Variants in CSNK1G1 observed in about 807,000 individuals in gnomAD.
CSNK1G1 encodes the protein casein kinase I isoform gamma-1.
Under a neutral mutation model 59.6 loss-of-function variants are expected in CSNK1G1, and 22 were observed. The ratio of observed to expected loss-of-function variants is 0.37; its 90% CI spans 0.26 to 0.53. The LOEUF is 0.53. Ranked by LOEUF, CSNK1G1 falls within the 20% of genes least tolerant of loss-of-function variation. The pLI, the probability that CSNK1G1 is intolerant of heterozygous loss-of-function variation, is 0.89. For synonymous variants in CSNK1G1, 179 were observed against 177.1 expected (o/e 1.01, Z -0.08); for missense variants, 384 against 519.5 (o/e 0.74, Z 2.54).
intron 10 of CSNK1G1, among the ~76,000 whole-genome samples, chr15:64,180,761 C>T (rs1038797963): frequency 6.6e-6 from 1 of 152,192 alleles, no homozygotes; most frequent in African/African-American, 2.4e-5. Context: ...GATGGAAACA[C>T]TAACAAATGA....
chr15:64,238,471 T>A (rs1177342291), intron 4 of CSNK1G1, among the ~76,000 whole-genome samples: 1 of 112,846 alleles, frequency 8.9e-6, no homozygotes, highest in African/African-American at 3.7e-5. Context: ...CCAGCCTGGG[T>A]GACAGAGCAA....
chr15:64,229,666 G>A (rs117867829), intron 4 of CSNK1G1, among the ~76,000 whole-genome samples: 5,981 of 152,174 alleles, frequency 0.039, 216 homozygotes, highest in Admixed American at 0.12. Flanking sequence ...GAAAAAAAGA[G>A]AGGCAAATGT....
At chr15:64,266,311 C>T (rs1457940956) in intron 2 of CSNK1G1, among the ~76,000 whole-genome samples, 2 of 151,942 alleles carry the variant, frequency 1.3e-5, no homozygotes, top group African/African-American at 4.8e-5. Context: ...CCACTGACCT[C>T]GTGATCCACC....
chr15:64,329,351 G>T (rs1897003301), intron 1 of CSNK1G1, among the ~76,000 whole-genome samples: 1 of 149,864 alleles, frequency 6.7e-6, no homozygotes, highest in Non-Finnish European at 1.5e-5. Context: ...AATCAAACTA[G>T]AACTCAGGAT....
At chr15:64,236,142 C>CAA (rs532663571) in intron 4 of CSNK1G1, among the ~76,000 whole-genome samples, 799 of 67,910 alleles carry the variant, frequency 0.012, 10 homozygotes, top group African/African-American at 0.03. Context: ...GACTCCATCT[C>CAA]AAAAAAAAAA....
chr15:64,198,231 G>T (rs989650154), intron 10 of CSNK1G1, among the ~76,000 whole-genome samples: 12 of 126,634 alleles, frequency 9.5e-5, no homozygotes, highest in African/African-American at 3.4e-4. Flanking sequence ...CAAAGTCTCT[G>T]CTGCCCCGGC....
intron 2 of CSNK1G1, among the ~76,000 whole-genome samples, chr15:64,278,428 A>ATTT (rs1379578512): frequency 8.8e-6 from 1 of 113,102 alleles, no homozygotes; most frequent in African/African-American, 4.1e-5. Context: ...GTATATATAT[A>ATTT]TATATTTTTT....
chr15:64,291,168 G>A (rs1894720670), intron 2 of CSNK1G1, among the ~76,000 whole-genome samples: 1 of 152,190 alleles, frequency 6.6e-6, no homozygotes, highest in African/African-American at 2.4e-5. Context: ...TTAATTAGGT[G>A]TTTGGCTGAT....
intron 4 of CSNK1G1, among the ~76,000 whole-genome samples, chr15:64,227,115 T>C (rs2082473322): frequency 6.6e-6 from 1 of 152,232 alleles, no homozygotes; most frequent in African/African-American, 2.4e-5. Flanking sequence ...ACTTGAGTTT[T>C]CCATTTGGAA....
At chr15:64,269,511 T>C (rs1893163915) in intron 2 of CSNK1G1, among the ~76,000 whole-genome samples, 1 of 141,420 alleles carries the variant, frequency 7.1e-6, no homozygotes, top group South Asian at 2.2e-4. Context: ...TTTTTTTTTT[T>C]GAGACGGAGT....
intron 4 of CSNK1G1, among the ~76,000 whole-genome samples, chr15:64,226,595 A>G (rs1293016097): frequency 6.7e-6 from 1 of 149,442 alleles, no homozygotes; most frequent in African/African-American, 2.4e-5. Context: ...AAAAAAAAAA[A>G]AGGAGACTAA....
At chr15:64,346,990 G>C (rs895469698) in intron 1 of CSNK1G1, among the ~76,000 whole-genome samples, 9 of 151,996 alleles carry the variant, frequency 5.9e-5, no homozygotes, top group Non-Finnish European at 1.0e-4. Context: ...ATTTTAAAAT[G>C]GGCAAAAGAC....
At chr15:64,204,787 C>T in intron 8 of CSNK1G1, 78 bp downstream of exon 8, 2 of 1,142,228 alleles carry the variant, frequency 1.8e-6, no homozygotes, top group Non-Finnish European at 2.6e-6. Flanking sequence ...AACAGCACCC[C>T]TATCTAGAGA....
intron 1 of CSNK1G1, among the ~76,000 whole-genome samples, chr15:64,346,221 A>AT (rs1201006636): frequency 6.6e-6 from 1 of 151,000 alleles, no homozygotes; most frequent in Admixed American, 6.6e-5. Context: ...ATCTCTGTTT[A>AT]TTTTTTTTAA....
chr15:64,333,459 A>AAAAT (rs1897225296), intron 1 of CSNK1G1, among the ~76,000 whole-genome samples: 2 of 145,190 alleles, frequency 1.4e-5, no homozygotes, highest in African/African-American at 2.5e-5. Context: ...AAAAAAAAAA[A>AAAAT]GGTCAATATG....
At chr15:64,228,984 A>C (rs1555501585) in intron 4 of CSNK1G1, among the ~76,000 whole-genome samples, 1 of 147,964 alleles carries the variant, frequency 6.8e-6, no homozygotes, top group Non-Finnish European at 1.5e-5. Context: ...ATACCGCTGT[A>C]CACCAGCCTG....
At position 64,169,570 on chromosome 15, in the gene CSNK1G1, A is replaced by G. The variant is rs1567352158; in HGVS notation, c.*2361T>C. The G allele has an allele frequency of 6.6e-6, 1 of 152,146 alleles. No individual in the cohort carries two copies. The highest frequency in any genetic ancestry group is 1.5e-5 in the Non-Finnish European group (1 of 68,028). The allele number at this position is 152,146 out of a possible 1,614,324, so 9.4% of individuals were successfully genotyped here. A position where few individuals can be genotyped will look rare whatever the true frequency, so the allele number is the denominator to read the frequency against. ...TCTCTTGAGAGGCAAGGCATTTTCTATACAGGGGTGAGGAAAAGTTAAACT... is the reference window on the plus strand; with the variant it reads ...TCTCTTGAGAGGCAAGGCATTTTCTGTACAGGGGTGAGGAAAAGTTAAACT... On this transcript the variant is annotated 3_prime_UTR_variant, in exon 12 of 12. Coordinates refer to ENST00000303052, the MANE Select transcript of CSNK1G1 (RefSeq NM_022048.5).
At chr15:64,309,700 T>C (rs1007790065) in intron 1 of CSNK1G1, among the ~76,000 whole-genome samples, 8 of 152,206 alleles carry the variant, frequency 5.3e-5, no homozygotes, top group African/African-American at 1.9e-4. Flanking sequence ...TTATCTGCCA[T>C]GCGTTATCAT....
At chr15:64,299,960 C>G (rs1159338824) in intron 2 of CSNK1G1, among the ~76,000 whole-genome samples, 1 of 152,072 alleles carries the variant, frequency 6.6e-6, no homozygotes, top group Non-Finnish European at 1.5e-5. Flanking sequence ...TCTTAAAAGA[C>G]CAACAGCATC....
Sources: allele counts gnomAD v4.1 joint callset (sites outside exome capture counted in the v4.1 genomes callset), GRCh38; gene constraint gnomAD v4.1.1; transcripts MANE v1.5; gene names NCBI Gene and HGNC (gene_info 2026-07-23, HGNC 2026-07-21).